Variants in BRD9 observed in about 807,000 individuals in gnomAD.
BRD9 encodes bromodomain-containing protein 9.
A neutral mutation model predicts 68.7 loss-of-function variants in BRD9; 47 were observed. That is an observed-to-expected ratio of 0.68 (90% confidence interval 0.54 to 0.87). The LOEUF (loss-of-function observed/expected upper bound fraction) is 0.87. Among genes scored for constraint, BRD9 ranks in the 40% least tolerant of loss-of-function variants. The probability of loss-of-function intolerance (pLI) is 0.00; values close to 1 mark genes in which losing one functional copy is unlikely to be tolerated. For synonymous variants in BRD9, 313 were observed against 293.9 expected (o/e 1.06, Z -0.67); for missense variants, 670 against 748.4 (o/e 0.90, Z 1.22).
Position 883,596 on chromosome 5 carries a change from C to T in BRD9, c.966+342G>A, listed in dbSNP as rs1579981646. 9 of 405,686 alleles carry T rather than the reference C, an allele frequency of 2.2e-5. No homozygotes were observed. In the East Asian group the frequency reaches 3.6e-4, roughly 16 times the overall value. The allele number at this position is 405,686 out of a possible 1,614,324, so 25.1% of individuals were successfully genotyped here. A position where few individuals can be genotyped will look rare whatever the true frequency, so the allele number is the denominator to read the frequency against. ...AGCACCCCCACTGGAATAACAAGGG[C>T]GGTGCCTCACGTCAACACCCAGTGA... On this transcript the variant is annotated intron_variant, in intron 8 of 15. Coordinates refer to ENST00000467963, the MANE Select transcript of BRD9 (RefSeq NM_023924.5).
chr5:864,418 G>A lies in BRD9; in HGVS notation c.*50C>T, dbSNP rs1351991551. ...GTCTGATGACAAAAACTCTACACGT[G>A]CAAAATAAAACTAAAAAAATAAAAT... On this transcript the variant is annotated 3_prime_UTR_variant, in exon 16 of 16. Transcript: ENST00000467963. 6.8e-7 allele frequency: 1 copy of A among 1,469,736 alleles called. No individual in the cohort carries two copies. Among genetic ancestry groups the A allele is most frequent in the Non-Finnish European group, 9.3e-7 (1 of 1,075,362 alleles). 91.0% of individuals were successfully genotyped at this position (1,469,736 alleles called of 1,614,324 possible). A position where few individuals can be genotyped will look rare whatever the true frequency, so the allele number is the denominator to read the frequency against.
chr5:890,891 C>G (rs953424942), intron 3 of BRD9, among the ~76,000 whole-genome samples: 4 of 152,092 alleles, frequency 2.6e-5, no homozygotes, highest in Non-Finnish European at 5.9e-5. Context: ...TTTATGAACG[C>G]TTAAAAAACA....
intron 11 of BRD9, among the ~76,000 whole-genome samples, chr5:877,354 A>G (rs978534752): frequency 6.6e-6 from 1 of 152,246 alleles, no homozygotes; most frequent in African/African-American, 2.4e-5. Context: ...GTCTCCTACT[A>G]GAATTTCCTC....
chr5:870,724 G>GGCT (rs1187120694), intron 13 of BRD9, 149 bp from the exon 14 acceptor site: 2 of 594,322 alleles, frequency 3.4e-6, no homozygotes, highest in Admixed American at 5.6e-5. Flanking sequence ...TGTTCACTGA[G>GGCT]GCTGCTGTTC....
At chr5:881,421 G>A (rs1165388406) in intron 8 of BRD9, 2 of 569,590 alleles carry the variant, frequency 3.5e-6, no homozygotes, top group Non-Finnish European at 3.1e-6. Context: ...GGGTACAGCT[G>A]AAACAAAAAC....
intron 5 of BRD9, among the ~76,000 whole-genome samples, chr5:888,610 A>G (rs186812585): frequency 5.3e-5 from 8 of 152,370 alleles, no homozygotes; most frequent in Admixed American, 3.9e-4. Context: ...CAAAGTACTC[A>G]GGAGACAGAA....
At chr5:881,441 C>T (rs1347074681) in intron 8 of BRD9, 10 of 549,292 alleles carry the variant, frequency 1.8e-5, no homozygotes, top group African/African-American at 1.1e-4. Flanking sequence ...CCTTCACCCA[C>T]GAGTAAACAT....
At chr5:891,371 G>A (rs919119403) in intron 2 of BRD9, 84 bp from the exon 3 acceptor site, 3 of 1,492,878 alleles carry the variant, frequency 2.0e-6, no homozygotes, top group African/African-American at 2.8e-5. Flanking sequence ...CAGTTCTCAG[G>A]GGAGGGACAG....
At chr5:875,786 T>C (rs148849320) in intron 12 of BRD9, among the ~76,000 whole-genome samples, 103 of 152,384 alleles carry the variant, frequency 6.8e-4, no homozygotes, top group African/African-American at 2.5e-3. Flanking sequence ...AAGCCAATGC[T>C]GAGAGATCAC....
chr5:868,014 T>C (rs1479337240), intron 14 of BRD9, among the ~76,000 whole-genome samples: 1 of 152,200 alleles, frequency 6.6e-6, no homozygotes, highest in Non-Finnish European at 1.5e-5. Flanking sequence ...TTCCCAATGT[T>C]AGGGGAGGGT....
At chr5:881,866 G>T in intron 8 of BRD9, 1 of 152,854 alleles carries the variant, frequency 6.5e-6, no homozygotes, top group Non-Finnish European at 1.5e-5. Flanking sequence ...TCAGCTCAAT[G>T]GGACACGGAG....
Position 864,522 on chromosome 5 carries a change from G to C in BRD9, c.1740C>G (p.His580Gln). Residue 580 changes from histidine to glutamine, a missense_variant, in exon 16 of 16, where the codon CAC becomes CAG. Transcript: ENST00000467963. Reference protein sequence around the residue: ...LSVGEQPDVTHDPYEFLQSPE... With the variant: ...LSVGEQPDVTQDPYEFLQSPE... ...GAGACTGAAGAAACTCATAGGGGTC[G>C]TGGGTGACGTCTGGCTGCTCCCCGA... The C allele has an allele frequency of 1.2e-6, 2 of 1,614,026 alleles. No homozygotes were observed. Among genetic ancestry groups the C allele is most frequent in the Non-Finnish European group, 1.7e-6 (2 of 1,179,950 alleles).
In BRD9 at chr5:864,443, T is replaced by G; in HGVS notation, c.*25A>C. ...GCAAAATAAAACTAAAAAAATAAAA[T>G]AAAAGAGCTGAAGGTGGTCTAGAGT... On this transcript the variant is annotated 3_prime_UTR_variant, in exon 16 of 16. Coordinates refer to ENST00000467963, the MANE Select transcript of BRD9 (RefSeq NM_023924.5). 6.5e-7 allele frequency: 1 copy of G among 1,531,372 alleles called. No individual in the cohort carries two copies. The highest frequency in any genetic ancestry group is 8.9e-7 in the Non-Finnish European group (1 of 1,126,842). The allele number at this position is 1,531,372 out of a possible 1,614,324, so 94.9% of individuals were successfully genotyped here. A position where few individuals can be genotyped will look rare whatever the true frequency, so the allele number is the denominator to read the frequency against.
chr5:891,982 G>T, intron 1 of BRD9, 128 bp from the exon 2 acceptor site: 1 of 1,410,424 alleles, frequency 7.1e-7, no homozygotes, highest in Non-Finnish European at 9.3e-7. Context: ...AACCAGCAGG[G>T]AAAGACGGAA....
chr5:886,452 G>A (rs1752578267), intron 7 of BRD9, 140 bp downstream of exon 7: 7 of 884,934 alleles, frequency 7.9e-6, no homozygotes, highest in Non-Finnish European at 1.2e-5. Context: ...CACTCCTCCT[G>A]CCAGAATAAG....
intron 14 of BRD9, among the ~76,000 whole-genome samples, chr5:867,717 G>A (rs1472027140): frequency 1.3e-5 from 2 of 152,222 alleles, no homozygotes; most frequent in African/African-American, 4.8e-5. Flanking sequence ...TCCCTCTTGG[G>A]ATAGGTCTAT....
chr5:891,903 C>G (rs1286484753), intron 1 of BRD9, 49 bp from the exon 2 acceptor site: 1 of 1,545,476 alleles, frequency 6.5e-7, no homozygotes, highest in South Asian at 1.2e-5. Flanking sequence ...GTGCAAACGC[C>G]ACGCAGCCAG....
chr5:886,474 A>G (rs1226154343), intron 7 of BRD9, 118 bp downstream of exon 7: 1 of 1,031,498 alleles, frequency 9.7e-7, no homozygotes, highest in Middle Eastern at 2.1e-4. Context: ...TACACCAAGA[A>G]TGTCTATGTG....
Position 865,677 on chromosome 5 carries a change from G to C in BRD9, c.1526-96C>G, listed in dbSNP as rs969577917. The C allele has an allele frequency of 1.2e-4, 165 of 1,325,396 alleles. 1 individual carries two copies. Among genetic ancestry groups the C allele is most frequent in the Non-Finnish European group, 2.2e-5 (21 of 973,836 alleles). 82.1% of individuals were successfully genotyped at this position (1,325,396 alleles called of 1,614,324 possible). A position where few individuals can be genotyped will look rare whatever the true frequency, so the allele number is the denominator to read the frequency against. ...ACTGCCCATCCAGACAGGCCTCTCT[G>C]CTCAGGACAATAATTGCTCTGGAAA... On this transcript the variant is annotated intron_variant, in intron 14 of 15. Coordinates refer to ENST00000467963, the MANE Select transcript of BRD9 (RefSeq NM_023924.5).
Sources: gnomAD v4.1 joint callset for allele counts (sites outside exome capture counted in the v4.1 genomes callset) on GRCh38, gnomAD v4.1.1 for gene constraint, MANE v1.5 for transcripts, NCBI Gene and HGNC (gene_info 2026-07-23, HGNC 2026-07-21) for gene names.